The following PDPR variants were observed in gnomAD, a reference collection of about 807,000 sequenced individuals.
PDPR encodes pyruvate dehydrogenase phosphatase regulatory subunit, mitochondrial.
A neutral mutation model predicts 102.2 loss-of-function variants in PDPR; 50 were observed. That is an observed-to-expected ratio of 0.49 (90% CI 0.39 to 0.62). The LOEUF (loss-of-function observed/expected upper bound fraction) is 0.62, where lower values mean the gene tolerates loss of function less well. Among genes scored for constraint, PDPR ranks in the 20% least tolerant of loss-of-function variants. PDPR has a pLI of 0.00. For missense variants in PDPR, 625 were observed against 1,098.2 expected (o/e 0.57, Z 6.09); for synonymous variants, 259 against 406.0 (o/e 0.64, Z 4.35).
chr16:70,142,060 A>G (rs1304711327), intron 11 of PDPR, among the ~76,000 whole-genome samples, 174 bp from the exon 12 acceptor site: 1 of 152,234 alleles, frequency 6.6e-6, no homozygotes. Context: ...AGATTGTGCC[A>G]CTGCACTCCA....
chr16:70,152,118 G>A (rs572621893), intron 17 of PDPR, among the ~76,000 whole-genome samples: 26 of 152,388 alleles, frequency 1.7e-4, no homozygotes, highest in African/African-American at 5.8e-4. Context: ...TCGTCCTGCC[G>A]CATTCTGTGG....
intron 3 of PDPR, among the ~76,000 whole-genome samples, 168 bp downstream of exon 3, chr16:70,120,887 G>A (rs1050653674): frequency 2.0e-5 from 3 of 149,642 alleles, no homozygotes; most frequent in Non-Finnish European, 3.0e-5. Context: ...GACTAATAAT[G>A]CTCATGTTCT....
At chr16:70,120,764 C>G (rs994860925) in intron 3 of PDPR, 45 bp downstream of exon 3, 12 of 1,230,080 alleles carry the variant, frequency 9.8e-6, no homozygotes, top group Non-Finnish European at 1.2e-5. Context: ...CTGCACTAAT[C>G]GTATAAGATT....
At chr16:70,143,327 T>C (rs955651996) in intron 13 of PDPR, among the ~76,000 whole-genome samples, 183 bp from the exon 14 acceptor site, 3 of 152,302 alleles carry the variant, frequency 2.0e-5, no homozygotes, top group Admixed American at 6.5e-5. Context: ...AGAGGCCTGT[T>C]TATCATAAGA....
rs1275164051 is a variant in PDPR, at chr16:70,161,797, GGA to G, written c.*4922_*4923del. The G allele has an allele frequency of 3.3e-5, 5 of 152,404 alleles. No individual in the cohort carries two copies. The highest frequency in any genetic ancestry group is 1.2e-4 in the African/African-American group (5 of 41,476). The allele number at this position is 152,404 out of a possible 1,614,324, so 9.4% of individuals were successfully genotyped here. A position where few individuals can be genotyped will look rare whatever the true frequency, so the allele number is the denominator to read the frequency against. ...TCTGAGCAGAGTGTCTGCATCTCTT[GGA>G]GAGTTACACATTTCTTCATGAGCCA... On this transcript the variant is annotated 3_prime_UTR_variant, in exon 19 of 19. Coordinates refer to ENST00000288050, the MANE Select transcript of PDPR (RefSeq NM_017990.5).
intron 17 of PDPR, among the ~76,000 whole-genome samples, chr16:70,149,682 A>G (rs1966549180): frequency 6.6e-6 from 1 of 152,272 alleles, no homozygotes; most frequent in South Asian, 2.1e-4. Flanking sequence ...GTGGTACATC[A>G]TTCCGATACT....
In PDPR at chr16:70,126,069, T is replaced by G. The variant is rs548406291; in HGVS notation, c.228-1191T>G. 6.0e-4 allele frequency among the ~76,000 whole-genome samples: 91 copies of G among 152,368 alleles called. No individual in the cohort carries two copies. In the Middle Eastern group the frequency reaches 0.021, roughly 35 times the overall value. ...ATGGATATTCATTTATTATATTTTT[T>G]CTCTTTTTTATATAAGTGGGAGCAT... On this transcript the variant is annotated intron_variant, in intron 3 of 18. Coordinates refer to ENST00000288050, the MANE Select transcript of PDPR (RefSeq NM_017990.5).
At chr16:70,145,282 C>T (rs1416629839) in intron 15 of PDPR, among the ~76,000 whole-genome samples, 14 of 152,208 alleles carry the variant, frequency 9.2e-5, no homozygotes, top group African/African-American at 1.7e-4. Flanking sequence ...GGATTATAGG[C>T]GCCCGCCACC....
intron 9 of PDPR, among the ~76,000 whole-genome samples, chr16:70,133,563 A>G (rs1338100397): frequency 6.6e-6 from 1 of 151,918 alleles, no homozygotes; most frequent in African/African-American, 2.4e-5. Flanking sequence ...GATTACAGGC[A>G]TGCATCAACA....
At chr16:70,137,400 TTAAA>T (rs1965262653) in intron 10 of PDPR, among the ~76,000 whole-genome samples, 1 of 152,208 alleles carries the variant, frequency 6.6e-6, no homozygotes, top group African/African-American at 2.4e-5. Flanking sequence ...CTAATGAACA[TTAAA>T]TAAGCCAGTC....
intron 15 of PDPR, among the ~76,000 whole-genome samples, chr16:70,144,878 C>T (rs1966089007): frequency 6.6e-6 from 1 of 152,050 alleles, no homozygotes; most frequent in African/African-American, 2.4e-5. Context: ...TCACTTGAAC[C>T]CAGGAGGCAG....
intron 18 of PDPR, among the ~76,000 whole-genome samples, chr16:70,156,072 T>TA (rs1967144068): frequency 6.6e-6 from 1 of 152,222 alleles, no homozygotes; most frequent in Admixed American, 6.5e-5. Flanking sequence ...GTATTTTTAG[T>TA]AGAGATGAGG....
intron 2 of PDPR, among the ~76,000 whole-genome samples, chr16:70,115,345 A>C (rs1567512596): frequency 6.6e-6 from 1 of 152,048 alleles, no homozygotes; most frequent in Non-Finnish European, 1.5e-5. Flanking sequence ...GCTGGTCTCG[A>C]ACTCCTGACC....
chr16:70,122,848 CACACAT>C (rs1198525183), intron 3 of PDPR, among the ~76,000 whole-genome samples: 1 of 146,764 alleles, frequency 6.8e-6, no homozygotes, highest in Non-Finnish European at 1.5e-5. Flanking sequence ...TATCTGTATA[CACACAT>C]ACACACACAC....
intron 17 of PDPR, among the ~76,000 whole-genome samples, chr16:70,152,012 G>A (rs759480971): frequency 1.3e-5 from 2 of 152,274 alleles, no homozygotes; most frequent in East Asian, 1.9e-4. Flanking sequence ...TGGTTACATC[G>A]TTCTTCCTTG....
chr16:70,137,428 TA>T, intron 10 of PDPR, among the ~76,000 whole-genome samples: 1 of 152,354 alleles, frequency 6.6e-6, no homozygotes, highest in African/African-American at 2.4e-5. Context: ...AAAGGACAAA[TA>T]CCGTGTGGTT....
chr16:70,152,734 A>G (rs1328108782), intron 17 of PDPR, among the ~76,000 whole-genome samples: 1 of 152,266 alleles, frequency 6.6e-6, no homozygotes, highest in African/African-American at 2.4e-5. Context: ...TTTAAACTTA[A>G]CAGCGTATGT....
At position 70,133,421 on chromosome 16, in the gene PDPR, C is replaced by CTTTTTTTTTTTT. The variant is rs1162339028; in HGVS notation, c.997+1123_997+1134dup. 3.2e-3 allele frequency among the ~76,000 whole-genome samples: 332 copies of CTTTTTTTTTTTT among 103,620 alleles called. 45 individuals carry two copies. Among genetic ancestry groups the CTTTTTTTTTTTT allele is most frequent in the African/African-American group, 0.012 (287 of 24,632 alleles). 68.0% of individuals were successfully genotyped at this position (103,620 alleles called of 152,430 possible). A position where few individuals can be genotyped will look rare whatever the true frequency, so the allele number is the denominator to read the frequency against. On this transcript the variant is annotated intron_variant, in intron 9 of 18. Coordinates refer to ENST00000288050, the MANE Select transcript of PDPR (RefSeq NM_017990.5). ...ACAGGCATGAGCCACTGCGTCTGGC[C>CTTTTTTTTTTTT]TTTTTTTTTTTTTGAGATAAGAGTC...
chr16:70,123,634 C>T (rs1201145127), intron 3 of PDPR, among the ~76,000 whole-genome samples: 1 of 152,382 alleles, frequency 6.6e-6, no homozygotes, highest in South Asian at 2.1e-4. Flanking sequence ...ATAAACTAAT[C>T]GCAGTGTAAA....
Sources: gnomAD v4.1 joint callset for allele counts (sites outside exome capture counted in the v4.1 genomes callset) on GRCh38, gnomAD v4.1.1 for gene constraint, MANE v1.5 for transcripts, NCBI Gene and HGNC (gene_info 2026-07-23, HGNC 2026-07-21) for gene names.